Variants in ZNF407 observed in about 807,000 individuals in gnomAD.
ZNF407 encodes the protein zinc finger protein 407.
Under a neutral mutation model 131.2 loss-of-function variants are expected in ZNF407, and 17 were observed. That is an observed-to-expected ratio of 0.13 (90% CI 0.09 to 0.19). ZNF407 has a LOEUF of 0.19. ZNF407 is among the 10% of genes least tolerant of loss of function. The pLI, the probability that ZNF407 is intolerant of heterozygous loss-of-function variation, is 1.00. For synonymous variants in ZNF407, 1,156 were observed against 1,062.0 expected (o/e 1.09, Z -1.72); for missense variants, 2,681 against 2,830.6 (o/e 0.95, Z 1.20).
At chr18:74,954,417 T>C (rs770330079) in intron 8 of ZNF407, among the ~76,000 whole-genome samples, 5 of 152,218 alleles carry the variant, frequency 3.3e-5, no homozygotes, top group Non-Finnish European at 7.3e-5. Context: ...TATATTAAGC[T>C]TCTCTCCTTC....
At chr18:75,006,444 T>C (rs1434858445) in intron 8 of ZNF407, among the ~76,000 whole-genome samples, 2 of 152,230 alleles carry the variant, frequency 1.3e-5, no homozygotes, top group Non-Finnish European at 2.9e-5. Flanking sequence ...CTTAGCTGCA[T>C]CCTGTAAGTT....
chr18:74,963,594 A>G (rs975561561), intron 8 of ZNF407, among the ~76,000 whole-genome samples: 2 of 152,112 alleles, frequency 1.3e-5, no homozygotes, highest in Non-Finnish European at 2.9e-5. Flanking sequence ...TTATAGCAAA[A>G]TCTCCTCATT....
chr18:74,625,266 A>G (rs531817640), intron 1 of ZNF407, among the ~76,000 whole-genome samples: 21 of 152,194 alleles, frequency 1.4e-4, no homozygotes, highest in South Asian at 1.2e-3. Context: ...TTTGCTTCTT[A>G]GTTGTCATTC....
intron 3 of ZNF407, among the ~76,000 whole-genome samples, chr18:74,719,340 C>T (rs546962782): frequency 1.6e-4 from 25 of 152,220 alleles, no homozygotes; most frequent in African/African-American, 2.9e-4. Context: ...CTTCCTCCTA[C>T]GCTTCCTACC....
chr18:74,988,487 G>T (rs7238058), intron 8 of ZNF407, among the ~76,000 whole-genome samples: 5,469 of 150,480 alleles, frequency 0.036, 280 homozygotes, highest in African/African-American at 0.12. Flanking sequence ...TATATAGATA[G>T]ATATAAAATA....
intron 4 of ZNF407, among the ~76,000 whole-genome samples, chr18:74,860,148 G>A (rs565711642): frequency 1.6e-3 from 246 of 152,122 alleles, no homozygotes; most frequent in Middle Eastern, 0.014. Flanking sequence ...TCTTTTAAAA[G>A]ATAAAATAAT....
At chr18:74,983,231 A>G (rs879379360) in intron 8 of ZNF407, among the ~76,000 whole-genome samples, 12 of 151,702 alleles carry the variant, frequency 7.9e-5, no homozygotes, top group Non-Finnish European at 1.2e-4. Flanking sequence ...TTCACGCTTT[A>G]TGGTCCCCTC....
chr18:74,833,379 TAATC>T (rs1970511311), intron 4 of ZNF407, among the ~76,000 whole-genome samples: 1 of 152,218 alleles, frequency 6.6e-6, no homozygotes, highest in Non-Finnish European at 1.5e-5. Context: ...TAATTTCACT[TAATC>T]AAACTGTAAT....
chr18:74,775,809 A>G lies in ZNF407; in HGVS notation c.4803-5619A>G, dbSNP rs147771463. Among the ~76,000 whole-genome samples, 602 of 152,314 alleles carry G rather than the reference A, an allele frequency of 4.0e-3. 6 individuals carry two copies. The highest frequency in any genetic ancestry group is 0.014 in the African/African-American group (585 of 41,576). The stretch of plus-strand genomic sequence containing the variant: ...TCCAGGGAGGCCTCCAGGAACTTAC[A>G]GTCATGGCAGAAAGTTAAAGTGGGG... On this transcript the variant is annotated intron_variant, in intron 3 of 8. Transcript: ENST00000299687.
At chr18:74,996,778 C>T (rs1316724449) in intron 8 of ZNF407, among the ~76,000 whole-genome samples, 2 of 152,226 alleles carry the variant, frequency 1.3e-5, no homozygotes, top group Non-Finnish European at 2.9e-5. Context: ...AAAATAAAAA[C>T]TATCGTACTT....
intron 3 of ZNF407, among the ~76,000 whole-genome samples, chr18:74,752,565 A>G (rs865939179): frequency 8.5e-5 from 13 of 152,268 alleles, no homozygotes; most frequent in African/African-American, 3.1e-4. Flanking sequence ...GGTGTAAGGA[A>G]GGGATCCAGT....
At chr18:74,701,213 A>G (rs922897926) in intron 3 of ZNF407, among the ~76,000 whole-genome samples, 1 of 152,162 alleles carries the variant, frequency 6.6e-6, no homozygotes, top group Non-Finnish European at 1.5e-5. Flanking sequence ...CTGAGGCTCC[A>G]GGCTGTGGTG....
At chr18:74,782,097 A>T (rs1248846491) in intron 4 of ZNF407, among the ~76,000 whole-genome samples, 1 of 152,210 alleles carries the variant, frequency 6.6e-6, no homozygotes, top group Admixed American at 6.5e-5. Flanking sequence ...AGTGTCAGCT[A>T]CCAGGTGAAC....
At chr18:74,843,914 T>A (rs1281193915) in intron 4 of ZNF407, among the ~76,000 whole-genome samples, 1 of 152,132 alleles carries the variant, frequency 6.6e-6, no homozygotes, top group Non-Finnish European at 1.5e-5. Context: ...CTGGAAAAAA[T>A]TCCAACTTTA....
intron 8 of ZNF407, among the ~76,000 whole-genome samples, chr18:74,940,276 G>T (rs984699423): frequency 6.6e-6 from 1 of 152,158 alleles, no homozygotes; most frequent in African/African-American, 2.4e-5. Flanking sequence ...AAGTCACTTA[G>T]GATCAAACAT....
chr18:74,877,675 A>G (rs1971178482), intron 5 of ZNF407, among the ~76,000 whole-genome samples: 1 of 152,318 alleles, frequency 6.6e-6, no homozygotes, highest in Non-Finnish European at 1.5e-5. Flanking sequence ...TCTTTTTAGA[A>G]GATCTTTATA....
chr18:74,927,711 G>T (rs1268775783), intron 8 of ZNF407, among the ~76,000 whole-genome samples: 1 of 152,296 alleles, frequency 6.6e-6, no homozygotes, highest in East Asian at 1.9e-4. Context: ...AAAGTTACTG[G>T]ATTTTGTTAC....
Position 75,063,266 on chromosome 18 carries a change from C to A in ZNF407, c.5545C>A (p.Pro1849Thr). ...LAEEPLVKEK[P>T]LRSSRRPAPP... Reference sequence around the variant, plus strand: ...AGAAGAGCCCCTCGTCAAGGAGAAGCCCCTCAGAAGCAGCAGGAGGCCAGC... The same window carrying A: ...AGAAGAGCCCCTCGTCAAGGAGAAGACCCTCAGAAGCAGCAGGAGGCCAGC... Residue 1849 changes from proline to threonine, a missense_variant, in exon 9 of 9, where the codon CCC (proline) becomes ACC (threonine). Pro to Thr is a conservative substitution (Grantham distance 38). Transcript: ENST00000299687. This position sits in a 1 kb window ranked among gnomAD's most constrained non-coding sequence, Gnocchi z 6.6. 1 of 1,613,686 alleles carries A rather than the reference C, an allele frequency of 6.2e-7. No individual in the cohort carries two copies. Among genetic ancestry groups the A allele is most frequent in the Non-Finnish European group, 8.5e-7 (1 of 1,179,880 alleles).
Position 75,064,416 on chromosome 18 carries a change from C to A in ZNF407, c.6695C>A (p.Ala2232Asp). 6.6e-7 allele frequency: 1 copy of A among 1,526,406 alleles called. No homozygotes were observed. The allele number at this position is 1,526,406 out of a possible 1,614,324, so 94.6% of individuals were successfully genotyped here. Reference sequence around the variant, plus strand: ...ATCTACACCCAGGAGGGCTCCTCGGCCGCGGCGGCAATTCAGAGCCAAAGA... The same window carrying A: ...ATCTACACCCAGGAGGGCTCCTCGGACGCGGCGGCAATTCAGAGCCAAAGA... The part of the protein sequence containing the change: ...VVIYTQEGSS[A>D]AAAIQSQRES... Residue 2232 changes from alanine to aspartate, a missense_variant, in exon 9 of 9, where the codon GCC (alanine) becomes GAC (aspartate). Coordinates refer to ENST00000299687, the MANE Select transcript of ZNF407 (RefSeq NM_017757.3).
Sources: gnomAD v4.1 joint callset for allele counts (sites outside exome capture counted in the v4.1 genomes callset) on GRCh38, gnomAD v4.1.1 for gene constraint, Gnocchi (gnomAD v3.1) non-coding constraint, MANE v1.5 for transcripts, NCBI Gene and HGNC (gene_info 2026-07-23, HGNC 2026-07-21) for gene names.